CCNT2: variants seen among roughly 807,000 people sequenced by gnomAD.
The protein encoded by CCNT2 is cyclin-T2.
In CCNT2, 18 loss-of-function variants were observed where a neutral mutation model predicts 70.0. That is an observed-to-expected ratio of 0.26 (90% CI 0.18 to 0.38). CCNT2 has a LOEUF of 0.38. Among genes scored for constraint, CCNT2 ranks in the 10% least tolerant of loss-of-function variants. The pLI is 1.00. For missense variants in CCNT2, 734 were observed against 890.2 expected (o/e 0.82, Z 2.23); for synonymous variants, 334 against 313.3 (o/e 1.07, Z -0.70).
At chr2:134,932,214 T>TG (rs1291368564) in intron 2 of CCNT2, among the ~76,000 whole-genome samples, 1 of 152,078 alleles carries the variant, frequency 6.6e-6, no homozygotes, top group African/African-American at 2.4e-5. Flanking sequence ...CCTGACCTGT[T>TG]GGTCTCAAAC....
chr2:134,940,093 G>A (rs1160336140), intron 4 of CCNT2, among the ~76,000 whole-genome samples: 2 of 152,106 alleles, frequency 1.3e-5, no homozygotes, highest in Non-Finnish European at 2.9e-5. Flanking sequence ...GAGTCATATC[G>A]TGAATTTGTC....
At chr2:134,942,700 A>C in intron 5 of CCNT2, 26 bp downstream of exon 5, 1 of 1,576,786 alleles carries the variant, frequency 6.3e-7, no homozygotes, top group Non-Finnish European at 8.7e-7. Flanking sequence ...AACTTTTAAG[A>C]TAAGTATTAA....
At chr2:134,948,484 A>G (rs141760439) in intron 7 of CCNT2, among the ~76,000 whole-genome samples, 16 of 152,316 alleles carry the variant, frequency 1.1e-4, no homozygotes, top group Non-Finnish European at 1.9e-4. Context: ...AGGGATTTTC[A>G]GGGGATTGTG....
At position 134,928,274 on chromosome 2, in the gene CCNT2, C is replaced by CTTTTTTTTTTTTTTTTTTTTTTT. The variant is rs551173090; in HGVS notation, c.240+8402_240+8403insTTTTTTTTTTTTTTTTTTTTTTT. Reference sequence around the variant, plus strand: ...CCATGCCCGGCCTCACATTGTATTTCTTTTTTTTTTTTTTTTTTTCTGAGA... The same window carrying CTTTTTTTTTTTTTTTTTTTTTTT: ...CCATGCCCGGCCTCACATTGTATTTCTTTTTTTTTTTTTTTTTTTTTTTTTTTTTTTTTTTTTTTTTTCTGAGA... On this transcript the variant is annotated intron_variant, in intron 2 of 8. Coordinates refer to ENST00000264157, the MANE Select transcript of CCNT2 (RefSeq NM_058241.3). 5.9e-3 allele frequency among the ~76,000 whole-genome samples: 567 copies of CTTTTTTTTTTTTTTTTTTTTTTT among 96,340 alleles called. 54 individuals are homozygous for CTTTTTTTTTTTTTTTTTTTTTTT. Among genetic ancestry groups the CTTTTTTTTTTTTTTTTTTTTTTT allele is most frequent in the Non-Finnish European group, 8.0e-3 (396 of 49,260 alleles). The allele number at this position is 96,340 out of a possible 152,430, so 63.2% of individuals were successfully genotyped here.
Position 134,946,166 on chromosome 2 carries a change from T to C in CCNT2, c.539+20T>C. 6.2e-7 allele frequency: 1 copy of C among 1,612,566 alleles called. No homozygotes were observed. The highest frequency in any genetic ancestry group is 8.5e-7 in the Non-Finnish European group (1 of 1,179,590). ...CAACAGGTTGTTATCCTGACCCTCT[T>C]TGTTGCACTGTTGTAGCACACTATA... is the stretch of plus-strand genomic sequence containing the variant. On this transcript the variant is annotated intron_variant, in intron 6 of 8. Transcript: ENST00000264157.
Position 134,957,361 on chromosome 2 carries a change from A to G in CCNT2, c.*2713A>G, listed in dbSNP as rs574047432. ...GTGATAACATTTTTGATGAGATTTA[A>G]AAAAATATTTGAAATATTAAAAAGC... On this transcript the variant is annotated 3_prime_UTR_variant, in exon 9 of 9. Coordinates refer to ENST00000264157, the MANE Select transcript of CCNT2 (RefSeq NM_058241.3). 6.6e-6 allele frequency: 1 copy of G among 152,340 alleles called. No individual in the cohort carries two copies. The highest frequency in any genetic ancestry group is 2.4e-5 in the African/African-American group (1 of 41,586). The allele number at this position is 152,340 out of a possible 1,614,324, so 9.4% of individuals were successfully genotyped here.
chr2:134,940,331 G>T (rs1681479568), intron 4 of CCNT2, among the ~76,000 whole-genome samples: 1 of 151,956 alleles, frequency 6.6e-6, no homozygotes, highest in South Asian at 2.1e-4. Flanking sequence ...AAAACTTGTA[G>T]GTGAGCTGTA....
intron 4 of CCNT2, among the ~76,000 whole-genome samples, 173 bp from the exon 5 acceptor site, chr2:134,942,436 CATT>C (rs1020794437): frequency 2.0e-5 from 3 of 151,960 alleles, no homozygotes; most frequent in Non-Finnish European, 4.4e-5. Flanking sequence ...ATAATTGAGA[CATT>C]GTATTTGAAA....
At chr2:134,933,177 T>C (rs546892116) in intron 2 of CCNT2, among the ~76,000 whole-genome samples, 1 of 152,298 alleles carries the variant, frequency 6.6e-6, no homozygotes, top group African/African-American at 2.4e-5. Context: ...TTTGCTTCTG[T>C]TGGGGTTTTC....
Position 134,919,024 on chromosome 2 carries a change from T to C in CCNT2, c.158+12T>C, listed in dbSNP as rs368575206. The C allele has an allele frequency of 3.8e-6, 6 of 1,588,632 alleles. No homozygotes were observed. The African/African-American group carries it at 8.1e-5, about 21-fold the overall frequency. Reference sequence around the variant, plus strand: ...CAGCGTCTCAATGTGTATCCTTTTCTGTTCGCCGCCGCTCACGCCCTGTTT... The same window carrying C: ...CAGCGTCTCAATGTGTATCCTTTTCCGTTCGCCGCCGCTCACGCCCTGTTT... On this transcript the variant is annotated intron_variant, in intron 1 of 8. Coordinates refer to ENST00000264157, the MANE Select transcript of CCNT2 (RefSeq NM_058241.3).
rs540482045 is a variant in CCNT2 at position 134,959,013 on chromosome 2, C to T, written c.*4365C>T. On this transcript the variant is annotated 3_prime_UTR_variant, in exon 9 of 9. Transcript: ENST00000264157. ...AGTTTGGGGCGGAAACTCAAAATCC[C>T]GAGCATTGCCACTTTAGTAGTTTGT... The T allele has an allele frequency of 6.6e-6, 1 of 151,556 alleles. No individual in the cohort carries two copies. Among genetic ancestry groups the T allele is most frequent in the Non-Finnish European group, 1.5e-5 (1 of 68,016 alleles). The allele number at this position is 151,556 out of a possible 1,614,324, so 9.4% of individuals were successfully genotyped here.
At chr2:134,923,157 T>C (rs975534404) in intron 2 of CCNT2, among the ~76,000 whole-genome samples, 3 of 152,136 alleles carry the variant, frequency 2.0e-5, no homozygotes, top group Admixed American at 1.3e-4. Context: ...GGCACGTGCC[T>C]GTAATCCCAG....
intron 2 of CCNT2, among the ~76,000 whole-genome samples, chr2:134,925,740 G>A (rs2105018382): frequency 6.6e-6 from 1 of 151,850 alleles, no homozygotes; most frequent in South Asian, 2.1e-4. Context: ...GAACATTTGT[G>A]TACAAGTTTT....
In CCNT2 at chr2:134,942,003, C is replaced by A. The variant is rs45599844; in HGVS notation, c.431-609C>A. On this transcript the variant is annotated intron_variant, in intron 4 of 8. Coordinates refer to ENST00000264157, the MANE Select transcript of CCNT2 (RefSeq NM_058241.3). ...ACTTTTAATAAAAACAGAAACCCTGCCACACCTAAGGGTTGATTGCACGTT... is the reference window on the plus strand; with the variant it reads ...ACTTTTAATAAAAACAGAAACCCTGACACACCTAAGGGTTGATTGCACGTT... 8.1e-3 allele frequency among the ~76,000 whole-genome samples: 1,227 copies of A among 152,166 alleles called. 12 individuals carry two copies. Among genetic ancestry groups the A allele is most frequent in the African/African-American group, 0.027 (1,111 of 41,472 alleles).
chr2:134,938,216 A>G (rs45521735), intron 3 of CCNT2, among the ~76,000 whole-genome samples: 1 of 152,196 alleles, frequency 6.6e-6, no homozygotes, highest in South Asian at 2.1e-4. Context: ...GACTGTTTTA[A>G]AAATCAGCTC....
At chr2:134,926,194 C>T (rs149348356) in intron 2 of CCNT2, among the ~76,000 whole-genome samples, 7 of 152,248 alleles carry the variant, frequency 4.6e-5, no homozygotes, top group African/African-American at 1.4e-4. Flanking sequence ...CTAGTCTTTT[C>T]TTACAGTCTT....
At chr2:134,926,974 A>G (rs1025110269) in intron 2 of CCNT2, among the ~76,000 whole-genome samples, 2 of 152,246 alleles carry the variant, frequency 1.3e-5, no homozygotes, top group Non-Finnish European at 2.9e-5. Context: ...AGAAGTATTT[A>G]TAAGTACATT....
At chr2:134,933,610 T>C (rs1374207884) in intron 2 of CCNT2, among the ~76,000 whole-genome samples, 1 of 152,100 alleles carries the variant, frequency 6.6e-6, no homozygotes, top group East Asian at 1.9e-4. Flanking sequence ...ATGTCAAATA[T>C]CATAAATTCA....
intron 5 of CCNT2, chr2:134,944,603 A>G (rs563583339): frequency 2.0e-6 from 2 of 975,614 alleles, no homozygotes; most frequent in East Asian, 2.3e-4. Flanking sequence ...TATTTAGACC[A>G]GATTATTTGT....
Sources: gnomAD v4.1 joint callset for allele counts (sites outside exome capture counted in the v4.1 genomes callset) on GRCh38, gnomAD v4.1.1 for gene constraint, MANE v1.5 for transcripts, NCBI Gene and HGNC (gene_info 2026-07-23, HGNC 2026-07-21) for gene names.